Variants in SEZ6L2 observed in about 807,000 individuals in gnomAD.
The protein encoded by SEZ6L2 is seizure 6-like protein 2.
SEZ6L2 carries 44 observed loss-of-function variants against 97.0 expected under a neutral mutation model. The observed-to-expected ratio is 0.45, with a 90% CI of 0.36 to 0.58. SEZ6L2 has a LOEUF of 0.58. Ranked by LOEUF, SEZ6L2 falls within the 20% of genes least tolerant of loss-of-function variation. The pLI, the probability that SEZ6L2 is intolerant of heterozygous loss-of-function variation, is 0.00. For missense variants in SEZ6L2, 1,086 were observed against 1,233.3 expected, an observed-to-expected ratio of 0.88 and a Z score of 1.79; for synonymous variants, 543 against 546.1, an observed-to-expected ratio of 0.99 and a Z score of 0.08.
intron 4 of SEZ6L2, 50 bp from the exon 5 acceptor site, chr16:29,895,510 A>T (rs1202136556): frequency 1.9e-6 from 3 of 1,591,048 alleles, no homozygotes; most frequent in Non-Finnish European, 1.7e-6. Context: ...CAGGTGTTTG[A>T]CTTCCAAAGC....
At chr16:29,880,169 CT>C (rs71373211) in intron 8 of SEZ6L2, 105 bp from the exon 9 acceptor site, 154,305 of 735,596 alleles carry the variant, frequency 0.21, 554 homozygotes, top group South Asian at 0.25. Context: ...ACTCACTGGG[CT>C]TTTTTTTTTT....
chr16:29,897,680 G>A (rs1392893561), intron 2 of SEZ6L2, among the ~76,000 whole-genome samples, 173 bp downstream of exon 2: 2 of 152,140 alleles, frequency 1.3e-5, no homozygotes, highest in African/African-American at 4.8e-5. Context: ...TCTGTGCCCA[G>A]GTTTGACTTT....
At chr16:29,877,679 C>T (rs1003880375) in intron 10 of SEZ6L2, among the ~76,000 whole-genome samples, 1 of 152,210 alleles carries the variant, frequency 6.6e-6, no homozygotes, top group Non-Finnish European at 1.5e-5. Flanking sequence ...TATGGCTCCT[C>T]CCATGTCCTA....
chr16:29,887,257 G>C (rs928538818), intron 7 of SEZ6L2, among the ~76,000 whole-genome samples: 15 of 149,044 alleles, frequency 1.0e-4, no homozygotes, highest in Admixed American at 4.0e-4. Flanking sequence ...CACCCCAGCT[G>C]TGTCCAAGTC....
Position 29,873,809 on chromosome 16 carries a change from A to G in SEZ6L2, c.2105-80T>C, listed in dbSNP as rs1276148368. ...GGCAACACAGAGAGACCCCATCTCTACAAAAAATTGAAAAATTAGCCAGGA... is the reference window on the plus strand; with the variant it reads ...GGCAACACAGAGAGACCCCATCTCTGCAAAAAATTGAAAAATTAGCCAGGA... On this transcript the variant is annotated intron_variant, in intron 12 of 17. Coordinates refer to ENST00000617533, the MANE Select transcript of SEZ6L2 (RefSeq NM_001243332.2). The surrounding 1 kb of genome is among the most constrained non-coding windows in gnomAD (Gnocchi z 4.3). 7.4e-7 allele frequency: 1 copy of G among 1,345,328 alleles called. No homozygotes were observed. Among genetic ancestry groups the G allele is most frequent in the Non-Finnish European group, 1.0e-6 (1 of 1,002,522 alleles). 83.3% of individuals were successfully genotyped at this position (1,345,328 alleles called of 1,614,324 possible).
chr16:29,883,719 C>G (rs2068074058), intron 8 of SEZ6L2, among the ~76,000 whole-genome samples: 1 of 151,992 alleles, frequency 6.6e-6, no homozygotes, highest in Admixed American at 6.6e-5. Flanking sequence ...ATCACTTCAG[C>G]TCAGTAGTTG....
chr16:29,898,423 T>TTCTCTCTCTC (rs112555002), intron 1 of SEZ6L2, among the ~76,000 whole-genome samples: 22 of 146,704 alleles, frequency 1.5e-4, no homozygotes, highest in African/African-American at 5.3e-4. Flanking sequence ...TGGCTGTCTT[T>TTCTCTCTCTC]TCTCTCTCTC....
chr16:29,879,468 G>A (rs1034246655), intron 9 of SEZ6L2, among the ~76,000 whole-genome samples: 145 of 151,886 alleles, frequency 9.5e-4, no homozygotes, highest in Non-Finnish European at 1.1e-3. Context: ...CAGGTGATCC[G>A]CCCGCCTCAG....
Position 29,880,040 on chromosome 16 carries a change from G to A in SEZ6L2, c.1397C>T (p.Ala466Val), listed in dbSNP as rs777797986. The A allele has an allele frequency of 3.1e-5, 50 of 1,614,208 alleles. No homozygotes were observed. In the South Asian group the frequency reaches 5.1e-4, roughly 16 times the overall value. ...FEAFEEDRCF[A>V]PFLAHGNVTT... ...GACATTTCCATGTGCCAGGAAGGGG[G>A]CGAAGCAGCGATCCTCCTCAAAGGC... Residue 466 changes from alanine to valine, a missense_variant, in exon 9 of 18, where the codon GCC becomes GTC. Coordinates refer to ENST00000617533, the MANE Select transcript of SEZ6L2 (RefSeq NM_001243332.2).
intron 5 of SEZ6L2, among the ~76,000 whole-genome samples, chr16:29,890,353 A>C (rs1318821581): frequency 6.6e-6 from 1 of 152,174 alleles, no homozygotes; most frequent in Non-Finnish European, 1.5e-5. Context: ...GATGAACATA[A>C]GAACAACCTT....
intron 5 of SEZ6L2, among the ~76,000 whole-genome samples, chr16:29,893,384 T>G (rs1045290995): frequency 4.0e-5 from 6 of 150,324 alleles, no homozygotes; most frequent in Non-Finnish European, 7.4e-5. Context: ...TGGTGGCTCA[T>G]GCCTGTAATC....
chr16:29,878,818 A>G (rs556210906), intron 9 of SEZ6L2, among the ~76,000 whole-genome samples: 9 of 144,244 alleles, frequency 6.2e-5, no homozygotes, highest in Non-Finnish European at 1.2e-4. Flanking sequence ...TGTTAGCCAG[A>G]ATGGTCTCGA....
At chr16:29,886,621 T>C (rs1222023839) in intron 7 of SEZ6L2, among the ~76,000 whole-genome samples, 2 of 145,998 alleles carry the variant, frequency 1.4e-5, no homozygotes, top group Non-Finnish European at 3.0e-5. Context: ...ACAGAGGTTG[T>C]AGTGAGCCGA....
chr16:29,891,587 G>A (rs1567424369), intron 5 of SEZ6L2, among the ~76,000 whole-genome samples: 1 of 152,038 alleles, frequency 6.6e-6, no homozygotes, highest in African/African-American at 2.4e-5. Context: ...GTTGCAGGGA[G>A]CTGAGATTGT....
In SEZ6L2 at chr16:29,873,790, A is replaced by G. The variant is rs1204034368; in HGVS notation, c.2105-61T>C. On this transcript the variant is annotated intron_variant, in intron 12 of 17. Transcript: ENST00000617533. This position sits in a 1 kb window ranked among gnomAD's most constrained non-coding sequence, Gnocchi z 4.3. The stretch of plus-strand genomic sequence containing the variant: ...GCCTTCAAAGATCAGCCTGGGCAAC[A>G]CAGAGAGACCCCATCTCTACAAAAA... 3 of 1,429,594 alleles carry G rather than the reference A, an allele frequency of 2.1e-6. No homozygotes were observed. Among genetic ancestry groups the G allele is most frequent in the African/African-American group, 2.8e-5 (2 of 70,500 alleles). The allele number at this position is 1,429,594 out of a possible 1,614,324, so 88.6% of individuals were successfully genotyped here. A position where few individuals can be genotyped will look rare whatever the true frequency, so the allele number is the denominator to read the frequency against.
At chr16:29,896,734 T>C in intron 3 of SEZ6L2, 88 bp downstream of exon 3, 1 of 1,193,950 alleles carries the variant, frequency 8.4e-7, no homozygotes, top group East Asian at 2.3e-5. Context: ...CAGGACTCCT[T>C]CCACAGTTCC....
intron 9 of SEZ6L2, among the ~76,000 whole-genome samples, chr16:29,879,603 T>G (rs934887931): frequency 6.6e-6 from 1 of 152,164 alleles, no homozygotes; most frequent in African/African-American, 2.4e-5. Flanking sequence ...CCCTGCCCAC[T>G]CTCCAGCCTG....
At position 29,899,106 on chromosome 16, in the gene SEZ6L2, A is replaced by ATT; in HGVS notation, c.-88_-87insAA. On this transcript the variant is annotated 5_prime_UTR_variant, in exon 1 of 18. Coordinates refer to ENST00000617533, the MANE Select transcript of SEZ6L2 (RefSeq NM_001243332.2). ...TCCGTCTCCGTTTATCTTTCCCTTT[A>ATT]ATTGTTTTTTTTTTTTTTTTTTTTT... 1.2e-6 allele frequency: 1 copy of ATT among 805,980 alleles called. No homozygotes were observed. Among genetic ancestry groups the ATT allele is most frequent in the South Asian group, 1.7e-5 (1 of 59,742 alleles). The allele number at this position is 805,980 out of a possible 1,614,324, so 49.9% of individuals were successfully genotyped here. A position where few individuals can be genotyped will look rare whatever the true frequency, so the allele number is the denominator to read the frequency against.
At chr16:29,875,044 T>G (rs1021998676) in intron 12 of SEZ6L2, among the ~76,000 whole-genome samples, 1 of 152,062 alleles carries the variant, frequency 6.6e-6, no homozygotes, top group African/African-American at 2.4e-5. Context: ...CTGGCTATAT[T>G]TTTTATTATT....
Sources: allele counts gnomAD v4.1 joint callset (sites outside exome capture counted in the v4.1 genomes callset), GRCh38; gene constraint gnomAD v4.1.1; non-coding constraint Gnocchi (gnomAD v3.1); transcripts MANE v1.5; gene names NCBI Gene and HGNC (gene_info 2026-07-23, HGNC 2026-07-21).